Variants in TENM4 observed in about 807,000 individuals in gnomAD.
The protein encoded by TENM4 is teneurin-4.
Under a neutral mutation model 243.3 loss-of-function variants are expected in TENM4, and 82 were observed. That is an observed-to-expected ratio of 0.34 (90% CI 0.28 to 0.40). TENM4 has a LOEUF of 0.40. TENM4 is among the 10% of genes least tolerant of loss of function. The pLI is 1.00. For synonymous variants in TENM4, 1,412 were observed against 1,456.3 expected, an observed-to-expected ratio of 0.97 and a Z score of 0.69; for missense variants, 3,138 against 3,673.3, an observed-to-expected ratio of 0.85 and a Z score of 3.77.
intron 2 of TENM4, among the ~76,000 whole-genome samples, chr11:79,291,629 A>C (rs1007981632): frequency 1.3e-5 from 2 of 152,104 alleles, no homozygotes. Context: ...TTTAAAAGCC[A>C]TTGCTGGGCC....
intron 6 of TENM4, among the ~76,000 whole-genome samples, chr11:78,974,891 G>T (rs11237671): frequency 0.045 from 6,795 of 151,354 alleles, 418 homozygotes; most frequent in African/African-American, 0.14. Context: ...TGCCATTTTG[G>T]CCAGGCTAGT....
intron 6 of TENM4, among the ~76,000 whole-genome samples, chr11:79,003,708 C>T (rs527852088): frequency 1.7e-4 from 26 of 152,172 alleles, no homozygotes; most frequent in African/African-American, 6.0e-4. Flanking sequence ...AGATATTGTA[C>T]AAGATGACCA....
rs182110773 is a variant in TENM4 at position 79,182,512 on chromosome 11, C to T, written c.-163+33296G>A. 3.8e-3 allele frequency among the ~76,000 whole-genome samples: 585 copies of T among 152,072 alleles called. 8 individuals are homozygous for T. The South Asian group carries it at 0.039, about 10-fold the overall frequency. The stretch of plus-strand genomic sequence containing the variant: ...GAAAAAATCTAGGTGATCTTGGATA[C>T]GGTGATAATTTTTAGATGAAATGCC... On this transcript the variant is annotated intron_variant, in intron 3 of 33. Transcript: ENST00000278550.
intron 1 of TENM4, among the ~76,000 whole-genome samples, chr11:79,340,838 C>G (rs1857229977): frequency 1.3e-5 from 2 of 152,000 alleles, no homozygotes; most frequent in African/African-American, 4.8e-5. Context: ...ATGAGCCTCC[C>G]CACCAACAAA....
At chr11:78,987,631 G>T (rs1192270562) in intron 6 of TENM4, among the ~76,000 whole-genome samples, 1 of 152,182 alleles carries the variant, frequency 6.6e-6, no homozygotes, top group East Asian at 1.9e-4. Flanking sequence ...ATGCATGCAT[G>T]TTATTCCTTG....
intron 4 of TENM4, among the ~76,000 whole-genome samples, chr11:79,106,924 C>G (rs1330783663): frequency 6.6e-6 from 1 of 152,170 alleles, no homozygotes; most frequent in Admixed American, 6.5e-5. Context: ...AACTATTTGA[C>G]CAAAGAGTAA....
chr11:78,970,816 T>C (rs1289934003), intron 6 of TENM4, among the ~76,000 whole-genome samples: 1 of 152,172 alleles, frequency 6.6e-6, no homozygotes, highest in Non-Finnish European at 1.5e-5. Flanking sequence ...TCCTCCAACA[T>C]AGCAGATACT....
At chr11:78,947,178 G>T (rs575824782) in intron 6 of TENM4, among the ~76,000 whole-genome samples, 1 of 152,290 alleles carries the variant, frequency 6.6e-6, no homozygotes, top group African/African-American at 2.4e-5. Flanking sequence ...AGTACCCACC[G>T]TGTGCACTGG....
chr11:78,872,664 C>T (rs1190996499), intron 9 of TENM4, among the ~76,000 whole-genome samples: 1 of 152,180 alleles, frequency 6.6e-6, no homozygotes, highest in Non-Finnish European at 1.5e-5. Context: ...TCAAATGAGG[C>T]AGGAAAGAGA....
intron 4 of TENM4, among the ~76,000 whole-genome samples, chr11:79,125,340 G>A (rs948958226): frequency 6.6e-6 from 1 of 152,146 alleles, no homozygotes; most frequent in Non-Finnish European, 1.5e-5. Flanking sequence ...TCCATCTCCT[G>A]GCTTCAGAAG....
intron 6 of TENM4, among the ~76,000 whole-genome samples, chr11:78,936,808 G>A (rs1333945564): frequency 6.6e-6 from 1 of 152,190 alleles, no homozygotes; most frequent in Non-Finnish European, 1.5e-5. Context: ...ACAAGGTAGT[G>A]TGTTAGAATG....
intron 5 of TENM4, 142 bp from the exon 6 acceptor site, chr11:79,065,149 C>T: frequency 7.7e-7 from 1 of 1,302,422 alleles, no homozygotes. Flanking sequence ...TGCCTTTGTT[C>T]AAGTGATTGC....
intron 1 of TENM4, among the ~76,000 whole-genome samples, chr11:79,362,563 A>G (rs562793931): frequency 6.6e-6 from 1 of 152,326 alleles, no homozygotes; most frequent in South Asian, 2.1e-4. Context: ...CTGACATCCA[A>G]TCCTGGGGAA....
intron 18 of TENM4, among the ~76,000 whole-genome samples, chr11:78,768,135 A>G (rs754956803): frequency 2.6e-5 from 4 of 152,062 alleles, no homozygotes; most frequent in Non-Finnish European, 5.9e-5. Flanking sequence ...GGGACAGTCC[A>G]CTCTCTATGG....
At chr11:79,407,296 G>C (rs1858593823) in intron 1 of TENM4, among the ~76,000 whole-genome samples, 1 of 152,162 alleles carries the variant, frequency 6.6e-6, no homozygotes, top group Non-Finnish European at 1.5e-5. Context: ...AACTGATGCT[G>C]GACGTCTTAA....
intron 25 of TENM4, among the ~76,000 whole-genome samples, chr11:78,714,374 T>A (rs916522582): frequency 6.2e-5 from 9 of 144,900 alleles, no homozygotes; most frequent in African/African-American, 2.5e-4. Context: ...CCTTGGGGAC[T>A]GGCTACCTCG....
chr11:78,753,094 G>A (rs1005831500), intron 19 of TENM4, among the ~76,000 whole-genome samples: 2 of 152,152 alleles, frequency 1.3e-5, no homozygotes, highest in Non-Finnish European at 2.9e-5. Context: ...TTTTCCTAAG[G>A]TTACAAAACT....
At chr11:79,129,812 G>T (rs979914207) in intron 4 of TENM4, among the ~76,000 whole-genome samples, 3 of 152,132 alleles carry the variant, frequency 2.0e-5, no homozygotes, top group African/African-American at 7.2e-5. Flanking sequence ...CCTGGTAGTG[G>T]AAGACAAAGA....
chr11:79,043,290 T>C (rs1317945363), intron 6 of TENM4, among the ~76,000 whole-genome samples: 1 of 152,212 alleles, frequency 6.6e-6, no homozygotes, highest in Non-Finnish European at 1.5e-5. Flanking sequence ...CTTTGGGTAC[T>C]CATTGTGTCT....
Sources: gnomAD v4.1 joint callset for allele counts (sites outside exome capture counted in the v4.1 genomes callset) on GRCh38, gnomAD v4.1.1 for gene constraint, MANE v1.5 for transcripts, NCBI Gene and HGNC (gene_info 2026-07-23, HGNC 2026-07-21) for gene names.